The following SUPT5H variants were observed in gnomAD, a reference collection of about 807,000 sequenced individuals.
The protein encoded by SUPT5H is SPT5 homolog, DSIF elongation factor subunit.
In SUPT5H, 24 loss-of-function variants were observed where a neutral mutation model predicts 142.5. The ratio of observed to expected loss-of-function variants is 0.17; its 90% confidence interval spans 0.12 to 0.24. SUPT5H has a LOEUF of 0.24. Among genes scored for constraint, SUPT5H ranks in the 10% least tolerant of loss-of-function variants. The probability of loss-of-function intolerance (pLI) is 1.00; values close to 1 mark genes in which losing one functional copy is unlikely to be tolerated. For missense variants in SUPT5H, 893 were observed against 1,471.8 expected, an observed-to-expected ratio of 0.61 and a Z score of 6.43; for synonymous variants, 546 against 553.0, an observed-to-expected ratio of 0.99 and a Z score of 0.18.
At chr19:39,446,018 G>A in intron 2 of SUPT5H, 53 bp downstream of exon 2, 5 of 1,576,058 alleles carry the variant, frequency 3.2e-6, no homozygotes, top group East Asian at 2.3e-5. Context: ...AGGACTCCGG[G>A]CAGAAAGGCC....
rs754517029 is a variant in SUPT5H, at chr19:39,469,233, C to A, written c.1238-29C>A. ...CAGGGGCGGCCCATGGTGGCAACCCCCGAGTCAGCCCTACGACTGCCCCTG... is the reference window on the plus strand; with the variant it reads ...CAGGGGCGGCCCATGGTGGCAACCCACGAGTCAGCCCTACGACTGCCCCTG... On this transcript the variant is annotated intron_variant, in intron 15 of 29. Transcript: ENST00000432763. This position sits in a 1 kb window ranked among gnomAD's most constrained non-coding sequence, Gnocchi z 5.1. The A allele has an allele frequency of 3.7e-6, 6 of 1,614,186 alleles. No individual in the cohort carries two copies. The African/African-American group carries it at 8.0e-5, about 22-fold the overall frequency.
chr19:39,454,355 T>C (rs1045297839), intron 3 of SUPT5H, among the ~76,000 whole-genome samples: 2 of 30,280 alleles, frequency 6.6e-5, no homozygotes, highest in African/African-American at 2.2e-4. Context: ...TTGTTGTCGT[T>C]GTTTTTTTTT....
At chr19:39,471,862 A>G in intron 20 of SUPT5H, 132 bp downstream of exon 20, 1 of 1,281,582 alleles carries the variant, frequency 7.8e-7, no homozygotes, top group Non-Finnish European at 1.0e-6. Context: ...GGTCCTTGGC[A>G]AAGAGTGAGA....
At chr19:39,455,280 G>T (rs1250392238) in intron 3 of SUPT5H, among the ~76,000 whole-genome samples, 1 of 152,082 alleles carries the variant, frequency 6.6e-6, no homozygotes, top group African/African-American at 2.4e-5. Context: ...ATTACGTGGG[G>T]GCTGGGCGTG....
In SUPT5H at chr19:39,457,178, G is replaced by A. The variant is rs1328375395; in HGVS notation, c.242-497G>A. On this transcript the variant is annotated intron_variant, in intron 3 of 29. Coordinates refer to ENST00000432763, the MANE Select transcript of SUPT5H (RefSeq NM_001111020.3). The stretch of plus-strand genomic sequence containing the variant: ...AATCTCTCTGGGTCTCAGAGCCTTT[G>A]CTGTAAAATAGGAACAACGATAGTG... Among the ~76,000 whole-genome samples, 7 of 152,190 alleles carry A rather than the reference G, an allele frequency of 4.6e-5. No individual in the cohort carries two copies. The East Asian group carries it at 5.8e-4, about 13-fold the overall frequency.
chr19:39,466,403 G>A lies in SUPT5H; in HGVS notation c.877-77G>A. 2.2e-6 allele frequency: 3 copies of A among 1,372,876 alleles called. No homozygotes were observed. Among genetic ancestry groups the A allele is most frequent in the Non-Finnish European group, 3.1e-6 (3 of 965,426 alleles). 85.0% of individuals were successfully genotyped at this position (1,372,876 alleles called of 1,614,324 possible). ...CATCCTGCGTCCCTTCTCCTTCCTA[G>A]CATCTCCTGACCCTTCTTGTGTCTG... On this transcript the variant is annotated intron_variant, in intron 11 of 29. Coordinates refer to ENST00000432763, the MANE Select transcript of SUPT5H (RefSeq NM_001111020.3). The surrounding 1 kb of genome is among the most constrained non-coding windows in gnomAD (Gnocchi z 4.3).
At position 39,474,163 on chromosome 19, in the gene SUPT5H, C is replaced by A. The variant is rs770616045; in HGVS notation, c.2651+42C>A. 1 of 1,609,670 alleles carries A rather than the reference C, an allele frequency of 6.2e-7. No homozygotes were observed. Among genetic ancestry groups the A allele is most frequent in the Non-Finnish European group, 8.5e-7 (1 of 1,177,682 alleles). ...CTGCCCTCGTCTACCCCTGCCCAAACCCTCCTACTGCCACCACCTCTTTTC... is the reference window on the plus strand; with the variant it reads ...CTGCCCTCGTCTACCCCTGCCCAAAACCTCCTACTGCCACCACCTCTTTTC... On this transcript the variant is annotated intron_variant, in intron 26 of 29. Transcript: ENST00000432763. This position sits in a 1 kb window ranked among gnomAD's most constrained non-coding sequence, Gnocchi z 6.5.
In SUPT5H at chr19:39,474,093, A is replaced by C. The variant is rs1440573218; in HGVS notation, c.2623A>C (p.Asn875His). The change falls in exon 26 of 30, where the codon AAC (asparagine) becomes CAC (histidine). Residue 875 changes from asparagine (N) to histidine (H), a missense_variant. Physicochemically the swap from Asn to His is moderately conservative, Grantham distance 68. Around this residue, in one of 6 missense-constraint regions of SUPT5H, gnomAD observed 336 missense variants for 546.5 expected, o/e 0.61. Transcript: ENST00000432763. This position sits in a 1 kb window ranked among gnomAD's most constrained non-coding sequence, Gnocchi z 6.5. ...PSSPQVNPQY[N>H]PQTPGTPAMY... is the part of the protein sequence containing the mutation. ...GTCCCCACAGGTCAACCCACAATAC[A>C]ACCCGCAGACGCCAGGGACGCCGGC... The C allele has an allele frequency of 3.3e-5, 53 of 1,603,154 alleles. No individual in the cohort carries two copies. Among genetic ancestry groups the C allele is most frequent in the Non-Finnish European group, 4.5e-5 (53 of 1,173,672 alleles).
At chr19:39,464,611 A>G (rs978241331) in intron 10 of SUPT5H, among the ~76,000 whole-genome samples, 187 bp from the exon 11 acceptor site, 8 of 152,172 alleles carry the variant, frequency 5.3e-5, no homozygotes, top group African/African-American at 1.9e-4. Flanking sequence ...ATATTTTTAA[A>G]ATTTTTAGTC....
rs200817267 is a variant in SUPT5H, at chr19:39,473,413, C to T, written c.2387-3C>T. The T allele has an allele frequency of 9.3e-6, 15 of 1,613,292 alleles. No individual in the cohort carries two copies. In the Admixed American group the frequency reaches 2.3e-4, roughly 25 times the overall value. On this transcript the variant is annotated splice_region_variant and splice_polypyrimidine_tract_variant and intron_variant, in intron 24 of 29. Coordinates refer to ENST00000432763, the MANE Select transcript of SUPT5H (RefSeq NM_001111020.3). The surrounding 1 kb of genome is among the most constrained non-coding windows in gnomAD (Gnocchi z 5.8). ...ACAGACACACTCATTTCCCCCATTC[C>T]AGGTAGCCGCACCCCACACTACGGC...
At chr19:39,449,726 C>T (rs779863329) in intron 2 of SUPT5H, among the ~76,000 whole-genome samples, 10 of 151,742 alleles carry the variant, frequency 6.6e-5, no homozygotes, top group Non-Finnish European at 1.3e-4. Context: ...ACTGCAGCCT[C>T]CACCTCACGG....
intron 28 of SUPT5H, chr19:39,475,744 C>T (rs1220152070): frequency 3.5e-6 from 1 of 289,356 alleles, no homozygotes; most frequent in Non-Finnish European, 6.6e-6. Flanking sequence ...TCTGGTGGGG[C>T]CTGCAGACCA....
Position 39,474,648 on chromosome 19 carries a change from A to G in SUPT5H, c.2954A>G (p.Gln985Arg). The change falls in exon 28 of 30, where the codon CAG becomes CGG. Residue 985 changes from glutamine (Q) to arginine (R), a missense_variant. By Grantham distance (43) the Gln-to-Arg change is conservative. This residue lies in a region of SUPT5H where 336 missense variants were observed against 546.5 expected (regional missense o/e 0.61). Transcript: ENST00000432763. The surrounding 1 kb of genome is among the most constrained non-coding windows in gnomAD (Gnocchi z 6.5). ...NSSDWVTTDI[Q>R]VKVRDTYLDT... ...AGCGACTGGGTAACCACTGACATTCAGGTGAAGGTGCGGGACACCTACCTG... is the reference window on the plus strand; with the variant it reads ...AGCGACTGGGTAACCACTGACATTCGGGTGAAGGTGCGGGACACCTACCTG... 6.2e-7 allele frequency: 1 copy of G among 1,614,164 alleles called. No individual in the cohort carries two copies. The highest frequency in any genetic ancestry group is 8.5e-7 in the Non-Finnish European group (1 of 1,180,024).
chr19:39,464,321 C>T (rs1377228571), intron 10 of SUPT5H, among the ~76,000 whole-genome samples: 1 of 151,820 alleles, frequency 6.6e-6, no homozygotes, highest in East Asian at 1.9e-4. Context: ...TGTTGGATAG[C>T]TTTCTATATT....
At position 39,466,448 on chromosome 19, in the gene SUPT5H, G is replaced by A; in HGVS notation, c.877-32G>A. ...TGTCTGGGGTCAGGGAGGAGAGTGGGGCCCTGCTGACCTTCTGCTCGCCCT... is the reference window on the plus strand; with the variant it reads ...TGTCTGGGGTCAGGGAGGAGAGTGGAGCCCTGCTGACCTTCTGCTCGCCCT... On this transcript the variant is annotated intron_variant, in intron 11 of 29. Coordinates refer to ENST00000432763, the MANE Select transcript of SUPT5H (RefSeq NM_001111020.3). The surrounding 1 kb of genome is among the most constrained non-coding windows in gnomAD (Gnocchi z 4.3). The A allele has an allele frequency of 6.3e-7, 1 of 1,599,218 alleles. No individual in the cohort carries two copies. Among genetic ancestry groups the A allele is most frequent in the Non-Finnish European group, 8.6e-7 (1 of 1,167,614 alleles).
At position 39,469,926 on chromosome 19, in the gene SUPT5H, T is replaced by C. The variant is rs1012764372; in HGVS notation, c.1375-193T>C. ...GGGGTAAAGGTTGTCCAGGTTGGTG[T>C]CCTGTGTCTGGGGTCAGCTGTTTCT... On this transcript the variant is annotated intron_variant, in intron 16 of 29. Transcript: ENST00000432763. This position sits in a 1 kb window ranked among gnomAD's most constrained non-coding sequence, Gnocchi z 5.1. 3 of 663,060 alleles carry C rather than the reference T, an allele frequency of 4.5e-6. No homozygotes were observed. The highest frequency in any genetic ancestry group is 5.0e-6 in the Non-Finnish European group (2 of 400,620). The allele number at this position is 663,060 out of a possible 1,614,324, so 41.1% of individuals were successfully genotyped here.
intron 2 of SUPT5H, 43 bp downstream of exon 2, chr19:39,446,008 A>G: frequency 6.3e-7 from 1 of 1,592,174 alleles, no homozygotes; most frequent in Non-Finnish European, 8.5e-7. Flanking sequence ...GTCTGGGGAC[A>G]GGACTCCGGG....
chr19:39,446,887 T>G, intron 2 of SUPT5H, among the ~76,000 whole-genome samples: 1 of 152,198 alleles, frequency 6.6e-6, no homozygotes. Context: ...CGCCCACCTG[T>G]AATCCCAGCT....
Position 39,471,071 on chromosome 19 carries a change from C to T in SUPT5H, c.1678-286C>T, listed in dbSNP as rs368609332. On this transcript the variant is annotated intron_variant, in intron 18 of 29. Transcript: ENST00000432763. The stretch of plus-strand genomic sequence containing the variant: ...GGCCTGACACAGAATGATGGATGAA[C>T]AATGTTGCTATCAGCCCCTTCTTCC... Among the ~76,000 whole-genome samples, 23 of 152,234 alleles carry T rather than the reference C, an allele frequency of 1.5e-4. No individual in the cohort carries two copies. In the South Asian group the frequency reaches 3.7e-3, roughly 25 times the overall value.
Sources: allele counts gnomAD v4.1 joint callset (sites outside exome capture counted in the v4.1 genomes callset), GRCh38; gene constraint gnomAD v4.1.1; regional missense constraint gnomAD v4.1.1; non-coding constraint Gnocchi (gnomAD v3.1); transcripts MANE v1.5; gene names NCBI Gene and HGNC (gene_info 2026-07-23, HGNC 2026-07-21).